Variants in PTPRT observed in about 807,000 individuals in gnomAD.
The protein encoded by PTPRT is receptor-type tyrosine-protein phosphatase T.
A neutral mutation model predicts 176.8 loss-of-function variants in PTPRT; 56 were observed. That is an observed-to-expected ratio of 0.32 (90% CI 0.26 to 0.40). The LOEUF is 0.40. Among genes scored for constraint, PTPRT ranks in the 10% least tolerant of loss-of-function variants. PTPRT has a pLI of 1.00. For synonymous variants in PTPRT, 783 were observed against 739.0 expected, an observed-to-expected ratio of 1.06 and a Z score of -0.96; for missense variants, 1,540 against 1,908.2, an observed-to-expected ratio of 0.81 and a Z score of 3.60.
chr20:42,786,139 T>C (rs1054874339), intron 3 of PTPRT, among the ~76,000 whole-genome samples: 3 of 152,198 alleles, frequency 2.0e-5, no homozygotes, highest in East Asian at 3.9e-4. Flanking sequence ...TCTGCCATGA[T>C]TGTAAGTTTC....
chr20:42,295,763 C>T (rs1432483102), intron 12 of PTPRT, among the ~76,000 whole-genome samples: 2 of 152,116 alleles, frequency 1.3e-5, no homozygotes, highest in African/African-American at 4.8e-5. Flanking sequence ...GAATTGTAAT[C>T]CCCATGTGTT....
intron 11 of PTPRT, among the ~76,000 whole-genome samples, chr20:42,334,149 C>T (rs530492925): frequency 2.0e-5 from 3 of 152,002 alleles, no homozygotes; most frequent in South Asian, 2.1e-4. Flanking sequence ...CTATTAAGAC[C>T]CCCATGGTTC....
intron 1 of PTPRT, among the ~76,000 whole-genome samples, chr20:42,924,644 G>A (rs908052734): frequency 3.9e-5 from 6 of 152,204 alleles, no homozygotes; most frequent in Non-Finnish European, 7.3e-5. Context: ...TATGTGCACA[G>A]AACATCACAG....
Position 43,185,883 on chromosome 20 carries a change from G to T in PTPRT, c.88+3763C>A, listed in dbSNP as rs541289710. ...GGAGGCAGAGGTTGCGGTGAGCCAA[G>T]ACTGCACCACTGCACTCCAGCCTGG... On this transcript the variant is annotated intron_variant, in intron 1 of 30. Coordinates refer to ENST00000373187, the MANE Select transcript of PTPRT (RefSeq NM_007050.6). Among the ~76,000 whole-genome samples the T allele has an allele frequency of 6.6e-5, 10 of 151,940 alleles. No individual in the cohort carries two copies. The East Asian group carries it at 1.9e-3, about 30-fold the overall frequency.
chr20:42,331,102 T>C (rs923125992), intron 11 of PTPRT, among the ~76,000 whole-genome samples: 1 of 151,882 alleles, frequency 6.6e-6, no homozygotes, highest in African/African-American at 2.4e-5. Flanking sequence ...CTGTTTTCTT[T>C]ACCCCGGGCC....
chr20:42,499,728 G>C (rs2071720144), intron 7 of PTPRT, among the ~76,000 whole-genome samples: 1 of 152,132 alleles, frequency 6.6e-6, no homozygotes, highest in Non-Finnish European at 1.5e-5. Flanking sequence ...GCGTCTGCAA[G>C]TTTTTCAAAT....
At chr20:42,039,563 A>G in the PTPRT span, among the ~76,000 whole-genome samples, 1 of 151,934 alleles carries the variant, frequency 6.6e-6, no homozygotes, top group Admixed American at 6.6e-5. Context: ...CATCCTAAAT[A>G]TAAGTGAGAT....
intron 6 of PTPRT, among the ~76,000 whole-genome samples, chr20:42,704,867 C>T (rs1045722874): frequency 5.3e-5 from 8 of 152,104 alleles, no homozygotes; most frequent in Admixed American, 4.6e-4. Flanking sequence ...CTTTCCTATT[C>T]GATTGTTGTC....
chr20:42,993,950 A>G (rs552110378), intron 1 of PTPRT, among the ~76,000 whole-genome samples: 2 of 152,264 alleles, frequency 1.3e-5, no homozygotes, highest in South Asian at 4.1e-4. Context: ...AGCCCAAAAC[A>G]CATTGTCAGC....
chr20:42,627,904 A>T (rs1215633819), intron 7 of PTPRT, among the ~76,000 whole-genome samples: 2 of 152,082 alleles, frequency 1.3e-5, no homozygotes, highest in Non-Finnish European at 2.9e-5. Context: ...AATGCTTGTC[A>T]TTTGCTCAAA....
At chr20:42,543,332 G>A (rs986132669) in intron 7 of PTPRT, among the ~76,000 whole-genome samples, 6 of 152,082 alleles carry the variant, frequency 3.9e-5, no homozygotes, top group Non-Finnish European at 7.4e-5. Context: ...AGTGTTTACA[G>A]CATCTTCATC....
chr20:43,070,171 G>A (rs1484082806), intron 1 of PTPRT, among the ~76,000 whole-genome samples: 2 of 152,100 alleles, frequency 1.3e-5, no homozygotes, highest in African/African-American at 4.8e-5. Flanking sequence ...CATGCTGCTG[G>A]TGCACAGTCC....
At chr20:43,111,990 G>A (rs1029619085) in intron 1 of PTPRT, among the ~76,000 whole-genome samples, 1 of 152,210 alleles carries the variant, frequency 6.6e-6, no homozygotes, top group Non-Finnish European at 1.5e-5. Flanking sequence ...CATTTCCCCA[G>A]AAGAAGGCAC....
At chr20:43,015,083 A>G (rs1432457373) in intron 1 of PTPRT, among the ~76,000 whole-genome samples, 1 of 152,204 alleles carries the variant, frequency 6.6e-6, no homozygotes, top group African/African-American at 2.4e-5. Context: ...CCTTTGGCTA[A>G]TCATTATTTA....
chr20:42,822,603 A>G (rs1423854595), intron 2 of PTPRT, among the ~76,000 whole-genome samples: 1 of 152,358 alleles, frequency 6.6e-6, no homozygotes, highest in East Asian at 1.9e-4. Flanking sequence ...CTAGCATCAG[A>G]GTGAACAGGC....
At chr20:42,678,483 T>G (rs927583816) in intron 6 of PTPRT, among the ~76,000 whole-genome samples, 6 of 151,894 alleles carry the variant, frequency 4.0e-5, no homozygotes, top group African/African-American at 1.2e-4. Flanking sequence ...GTATTTGTAG[T>G]GCAGATGGGG....
the PTPRT span, among the ~76,000 whole-genome samples, chr20:42,038,317 C>T: frequency 6.6e-6 from 1 of 152,276 alleles, no homozygotes; most frequent in African/African-American, 2.4e-5. Flanking sequence ...TAATATAAGT[C>T]ACTCTTACAA....
intron 9 of PTPRT, among the ~76,000 whole-genome samples, chr20:42,447,478 G>A (rs1171773565): frequency 2.6e-5 from 4 of 151,996 alleles, no homozygotes; most frequent in African/African-American, 9.7e-5. Flanking sequence ...ATCTTATGTT[G>A]TGTAAGAATA....
At chr20:42,587,369 G>C (rs6016835) in intron 7 of PTPRT, among the ~76,000 whole-genome samples, 1,833 of 152,300 alleles carry the variant, frequency 0.012, 33 homozygotes, top group African/African-American at 0.042. Flanking sequence ...CCACCGAAAG[G>C]TATGAGCCCT....
Sources: allele counts gnomAD v4.1 joint callset (sites outside exome capture counted in the v4.1 genomes callset), GRCh38; gene constraint gnomAD v4.1.1; transcripts MANE v1.5; gene names NCBI Gene and HGNC (gene_info 2026-07-23, HGNC 2026-07-21).